The following LSAMP variants were observed in gnomAD, a reference collection of about 807,000 sequenced individuals.
LSAMP encodes limbic system associated membrane protein.
In LSAMP, 7 loss-of-function variants were observed where a neutral mutation model predicts 38.6. The ratio of observed to expected loss-of-function variants is 0.18; its 90% confidence interval spans 0.10 to 0.34. LSAMP has a LOEUF of 0.34. Ranked by LOEUF, LSAMP falls within the 10% of genes least tolerant of loss-of-function variation. The pLI is 1.00. For synonymous variants in LSAMP, 154 were observed against 166.8 expected, an observed-to-expected ratio of 0.92 and a Z score of 0.59; for missense variants, 313 against 420.0, an observed-to-expected ratio of 0.75 and a Z score of 2.23.
intron 2 of LSAMP, among the ~76,000 whole-genome samples, chr3:116,039,676 C>T (rs746339740): frequency 1.8e-4 from 27 of 152,120 alleles, no homozygotes; most frequent in Non-Finnish European, 3.2e-4. Context: ...GAATAAAATG[C>T]CTACACAGAA....
chr3:115,872,241 A>AT (rs1414740117), intron 3 of LSAMP, among the ~76,000 whole-genome samples: 1 of 152,150 alleles, frequency 6.6e-6, no homozygotes, highest in African/African-American at 2.4e-5. Flanking sequence ...GGGAAAGGTT[A>AT]TGGATCAACA....
At chr3:116,145,446 G>T (rs1459792106) in intron 1 of LSAMP, among the ~76,000 whole-genome samples, 1 of 151,952 alleles carries the variant, frequency 6.6e-6, no homozygotes, top group South Asian at 2.1e-4. Flanking sequence ...AGGCATTAAT[G>T]CTGTAGTTGT....
At chr3:115,931,337 G>A (rs1311853410) in intron 3 of LSAMP, among the ~76,000 whole-genome samples, 4 of 152,178 alleles carry the variant, frequency 2.6e-5, no homozygotes, top group African/African-American at 9.6e-5. Context: ...CACTTTTCAT[G>A]GAGGTCATGA....
chr3:116,192,098 G>A (rs187222531), intron 1 of LSAMP, among the ~76,000 whole-genome samples: 167 of 152,250 alleles, frequency 1.1e-3, no homozygotes, highest in African/African-American at 3.9e-3. Context: ...TATTATTCTT[G>A]TAACTAAAAC....
chr3:116,336,060 A>G (rs1169380296), intron 1 of LSAMP, among the ~76,000 whole-genome samples: 1 of 152,064 alleles, frequency 6.6e-6, no homozygotes, highest in Non-Finnish European at 1.5e-5. Context: ...GGATATTCAC[A>G]TGCAAAAGAA....
intron 3 of LSAMP, among the ~76,000 whole-genome samples, chr3:115,926,497 G>A (rs1296384911): frequency 6.6e-6 from 1 of 152,170 alleles, no homozygotes; most frequent in Non-Finnish European, 1.5e-5. Context: ...GTTCACAGTT[G>A]GATCGCCAGT....
chr3:116,141,977 C>T (rs1298839797), intron 1 of LSAMP, among the ~76,000 whole-genome samples: 3 of 151,926 alleles, frequency 2.0e-5, no homozygotes, highest in African/African-American at 4.8e-5. Flanking sequence ...AGTTCCCTGA[C>T]CTGAAAAGGG....
At chr3:115,986,693 A>T (rs1939519023) in intron 3 of LSAMP, among the ~76,000 whole-genome samples, 1 of 152,002 alleles carries the variant, frequency 6.6e-6, no homozygotes. Context: ...GCCACTGGAA[A>T]AAAAAAGAGG....
chr3:115,959,935 A>G (rs1176793628), intron 3 of LSAMP, among the ~76,000 whole-genome samples: 1 of 152,192 alleles, frequency 6.6e-6, no homozygotes, highest in Admixed American at 6.5e-5. Context: ...TGTAAAGGGA[A>G]TATAAAATGT....
intron 1 of LSAMP, among the ~76,000 whole-genome samples, chr3:116,166,221 C>G (rs1306842137): frequency 1.3e-5 from 2 of 152,228 alleles, no homozygotes; most frequent in African/African-American, 4.8e-5. Context: ...CCCAATTTAT[C>G]TCCTCACAAC....
intron 1 of LSAMP, among the ~76,000 whole-genome samples, chr3:116,143,639 C>T (rs938607989): frequency 6.6e-6 from 1 of 151,952 alleles, no homozygotes; most frequent in Non-Finnish European, 1.5e-5. Flanking sequence ...ACTATGACCC[C>T]TTTCACCTAG....
intron 2 of LSAMP, among the ~76,000 whole-genome samples, chr3:116,080,678 A>G (rs1707852614): frequency 6.6e-6 from 1 of 152,202 alleles, no homozygotes; most frequent in Non-Finnish European, 1.5e-5. Context: ...TCTGAACCTG[A>G]CCTATTAACA....
At chr3:116,390,083 A>G (rs964597844) in intron 1 of LSAMP, among the ~76,000 whole-genome samples, 3 of 152,076 alleles carry the variant, frequency 2.0e-5, no homozygotes, top group African/African-American at 4.8e-5. Flanking sequence ...CCTTCCAGGT[A>G]AAAAAGTCAA....
chr3:116,191,541 A>G (rs1239260794), intron 1 of LSAMP, among the ~76,000 whole-genome samples: 1 of 152,124 alleles, frequency 6.6e-6, no homozygotes, highest in Non-Finnish European at 1.5e-5. Flanking sequence ...GAGACAGTTT[A>G]GGGCTGAGGA....
At chr3:116,145,900 A>G (rs1445654131) in intron 1 of LSAMP, among the ~76,000 whole-genome samples, 1 of 151,828 alleles carries the variant, frequency 6.6e-6, no homozygotes, top group African/African-American at 2.4e-5. Flanking sequence ...TTTTTATTTC[A>G]AGAAATTTTA....
At chr3:115,889,602 G>A (rs1459148242) in intron 3 of LSAMP, among the ~76,000 whole-genome samples, 2 of 151,974 alleles carry the variant, frequency 1.3e-5, no homozygotes, top group Non-Finnish European at 2.9e-5. Flanking sequence ...CATAAATGGA[G>A]AAGATGGCAT....
At chr3:115,889,099 C>T (rs1936529181) in intron 3 of LSAMP, among the ~76,000 whole-genome samples, 1 of 151,862 alleles carries the variant, frequency 6.6e-6, no homozygotes, top group South Asian at 2.1e-4. Context: ...TCAGAGCACA[C>T]ATGTTCCAGT....
chr3:116,211,128 A>C (rs1033871723), intron 1 of LSAMP, among the ~76,000 whole-genome samples: 1 of 152,224 alleles, frequency 6.6e-6, no homozygotes, highest in Non-Finnish European at 1.5e-5. Flanking sequence ...TATATGTAAA[A>C]TCTAAAAAAT....
At chr3:116,153,698 T>A (rs1039902204) in intron 1 of LSAMP, among the ~76,000 whole-genome samples, 1 of 151,574 alleles carries the variant, frequency 6.6e-6, no homozygotes, top group Non-Finnish European at 1.5e-5. Flanking sequence ...TTCAATCTTG[T>A]AAAAAAAAAT....
Sources: gnomAD v4.1 joint callset for allele counts (sites outside exome capture counted in the v4.1 genomes callset) on GRCh38, gnomAD v4.1.1 for gene constraint, MANE v1.5 for transcripts, NCBI Gene and HGNC (gene_info 2026-07-23, HGNC 2026-07-21) for gene names.